The following ETNK1 variants were observed in gnomAD, a reference collection of about 807,000 sequenced individuals.
The protein encoded by ETNK1 is ethanolamine kinase 1, also known as putative protein product of Nbla10396.
ETNK1 carries 8 observed loss-of-function variants against 45.1 expected under a neutral mutation model. The observed-to-expected ratio is 0.18, with a 90% CI of 0.10 to 0.32. The LOEUF (loss-of-function observed/expected upper bound fraction) is 0.32, where lower values mean the gene tolerates loss of function less well. Ranked by LOEUF, ETNK1 falls within the 10% of genes least tolerant of loss-of-function variation. The pLI is 1.00. For missense variants in ETNK1, 302 were observed against 430.6 expected, an observed-to-expected ratio of 0.70 and a Z score of 2.64; for synonymous variants, 152 against 151.9, an observed-to-expected ratio of 1.00 and a Z score of -0.01.
intron 3 of ETNK1, 28 bp downstream of exon 3, chr12:22,659,182 T>C: frequency 6.3e-7 from 1 of 1,591,178 alleles, no homozygotes. Context: ...TTTGAAATTA[T>C]GTTTTACATT....
rs1375937344 is a variant in ETNK1 at position 22,625,290 on chromosome 12, G to A, written c.-141G>A. 1 of 1,607,720 alleles carries A rather than the reference G, an allele frequency of 6.2e-7. No homozygotes were observed. The highest frequency in any genetic ancestry group is 8.5e-7 in the Non-Finnish European group (1 of 1,177,900). ...TGCCGCCTCCAGACGTTCTCCTGCC[G>A]CTCGCCCGCCCGTCCCAGCGCCCCC... On this transcript the variant is annotated 5_prime_UTR_variant, in exon 1 of 8. Transcript: ENST00000266517.
Position 22,686,180 on chromosome 12 carries a change from G to A in ETNK1, c.*1226G>A, listed in dbSNP as rs1954259040. 6.6e-6 allele frequency: 1 copy of A among 152,184 alleles called. No homozygotes were observed. The highest frequency in any genetic ancestry group is 1.5e-5 in the Non-Finnish European group (1 of 67,756). The allele number at this position is 152,184 out of a possible 1,614,324, so 9.4% of individuals were successfully genotyped here. ...GCTTTTGTTTATTTCTCTTGTTTTTGTTTAACTGTATTTTTAATTTTGTCT... is the reference window on the plus strand; with the variant it reads ...GCTTTTGTTTATTTCTCTTGTTTTTATTTAACTGTATTTTTAATTTTGTCT... On this transcript the variant is annotated 3_prime_UTR_variant, in exon 8 of 8. Transcript: ENST00000266517.
intron 6 of ETNK1, among the ~76,000 whole-genome samples, chr12:22,676,856 G>T (rs534256453): frequency 7.3e-4 from 109 of 148,328 alleles, no homozygotes; most frequent in African/African-American, 1.6e-3. Context: ...GTTTTGATGG[G>T]TTTTTTTTTT....
chr12:22,681,223 A>C (rs1954212557), intron 6 of ETNK1, among the ~76,000 whole-genome samples: 1 of 151,990 alleles, frequency 6.6e-6, no homozygotes, highest in Non-Finnish European at 1.5e-5. Flanking sequence ...TACACAAATG[A>C]GATTTCAGTG....
chr12:22,676,013 A>T lies in ETNK1; in HGVS notation c.945+2353A>T, dbSNP rs558500116. On this transcript the variant is annotated intron_variant, in intron 6 of 7. Transcript: ENST00000266517. ...CCCGTTATTTATTTCAATTAAAAAA[A>T]TTTTTTATTATTATACTTTAAGTTC... 1.0e-3 allele frequency among the ~76,000 whole-genome samples: 153 copies of T among 152,174 alleles called. 1 individual carries two copies. The highest frequency in any genetic ancestry group is 5.4e-3 in the South Asian group (26 of 4,826).
At chr12:22,650,612 T>C (rs1302849091) in intron 2 of ETNK1, among the ~76,000 whole-genome samples, 1 of 152,092 alleles carries the variant, frequency 6.6e-6, no homozygotes, top group Non-Finnish European at 1.5e-5. Flanking sequence ...CAGCCTTGTA[T>C]ACCTGAGATA....
At chr12:22,643,159 G>A (rs1296023801) in intron 1 of ETNK1, among the ~76,000 whole-genome samples, 3 of 151,974 alleles carry the variant, frequency 2.0e-5, no homozygotes, top group Non-Finnish European at 4.4e-5. Context: ...TTTAATGCAT[G>A]TTTTGTTAGA....
At chr12:22,659,651 A>C (rs970080401) in intron 3 of ETNK1, among the ~76,000 whole-genome samples, 8 of 152,220 alleles carry the variant, frequency 5.3e-5, no homozygotes, top group Non-Finnish European at 1.2e-4. Flanking sequence ...TATATTAACC[A>C]TATAGAGTTT....
chr12:22,639,796 T>C (rs1953711763), intron 1 of ETNK1, among the ~76,000 whole-genome samples: 1 of 152,108 alleles, frequency 6.6e-6, no homozygotes, highest in Non-Finnish European at 1.5e-5. Flanking sequence ...AATCAGGAGG[T>C]GACAGATGAC....
chr12:22,646,591 T>A (rs888298973), intron 2 of ETNK1, among the ~76,000 whole-genome samples: 2 of 151,864 alleles, frequency 1.3e-5, no homozygotes, highest in African/African-American at 4.8e-5. Context: ...AATAAACTTT[T>A]AAGACACTAT....
At chr12:22,664,945 A>G (rs1954039727) in intron 4 of ETNK1, among the ~76,000 whole-genome samples, 1 of 152,174 alleles carries the variant, frequency 6.6e-6, no homozygotes, top group African/African-American at 2.4e-5. Flanking sequence ...TCTCAGAAGT[A>G]CAAATTTTAG....
chr12:22,656,733 T>TA (rs1427452752), intron 2 of ETNK1: 2 of 984,014 alleles, frequency 2.0e-6, no homozygotes, highest in African/African-American at 3.5e-5. Context: ...CAGGGTCTCT[T>TA]ATAAACCCTG....
chr12:22,659,421 T>G lies in ETNK1; in HGVS notation c.557+267T>G, dbSNP rs4963788. The stretch of plus-strand genomic sequence containing the variant: ...GGGAACACCACTTAAAAATAAAGAG[T>G]TAGGTGGTAATGGTGAAGCAAGATT... On this transcript the variant is annotated intron_variant, in intron 3 of 7. Coordinates refer to ENST00000266517, the MANE Select transcript of ETNK1 (RefSeq NM_018638.5). Among the ~76,000 whole-genome samples the G allele has an allele frequency of 0.95, 144,512 of 152,166 alleles. 68,988 individuals are homozygous for G. The highest frequency in any genetic ancestry group is 0.99 in the Non-Finnish European group (67,653 of 68,028).
At chr12:22,636,172 G>A (rs1298691516) in intron 1 of ETNK1, among the ~76,000 whole-genome samples, 2 of 152,042 alleles carry the variant, frequency 1.3e-5, no homozygotes, top group African/African-American at 4.8e-5. Context: ...TCAAAAAAAG[G>A]TAAGAAAAAG....
At chr12:22,679,702 G>GTTTTT (rs71444173) in intron 6 of ETNK1, among the ~76,000 whole-genome samples, 1 of 128,544 alleles carries the variant, frequency 7.8e-6, no homozygotes, top group Non-Finnish European at 1.6e-5. Context: ...TTGGTTTTTT[G>GTTTTT]TTTTTTTTTT....
At chr12:22,635,032 T>A (rs555949015) in intron 1 of ETNK1, among the ~76,000 whole-genome samples, 49 of 152,370 alleles carry the variant, frequency 3.2e-4, no homozygotes, top group Middle Eastern at 3.4e-3. Flanking sequence ...TCTTTGTAAG[T>A]ACCCACAAGT....
At chr12:22,653,254 C>T (rs1361119408) in intron 2 of ETNK1, among the ~76,000 whole-genome samples, 1 of 152,110 alleles carries the variant, frequency 6.6e-6, no homozygotes, top group Non-Finnish European at 1.5e-5. Context: ...GTTTTGATTA[C>T]AGTGGCTTTG....
At chr12:22,625,624 C>T (rs753117233) in intron 1 of ETNK1, 38 bp downstream of exon 1, 2 of 1,528,560 alleles carry the variant, frequency 1.3e-6, no homozygotes, top group Admixed American at 1.9e-5. Context: ...TCTTATGCCC[C>T]TCACGCGGCT....
intron 2 of ETNK1, 108 bp downstream of exon 2, chr12:22,644,130 A>G (rs1477481338): frequency 6.7e-7 from 1 of 1,492,242 alleles, no homozygotes; most frequent in African/African-American, 1.4e-5. Context: ...TGGTTAACTT[A>G]GAAACTTTCT....
Sources: allele counts gnomAD v4.1 joint callset (sites outside exome capture counted in the v4.1 genomes callset), GRCh38; gene constraint gnomAD v4.1.1; transcripts MANE v1.5; gene names NCBI Gene and HGNC (gene_info 2026-07-23, HGNC 2026-07-21).